GNB1: variants seen among roughly 807,000 people sequenced by gnomAD.
GNB1 encodes G protein subunit beta 1.
Under a neutral mutation model 42.9 loss-of-function variants are expected in GNB1, and 2 were observed. The observed-to-expected ratio is 0.05, with a 90% CI of 0.02 to 0.15. The LOEUF (loss-of-function observed/expected upper bound fraction) is 0.15. Among genes scored for constraint, GNB1 ranks in the 10% least tolerant of loss-of-function variants. The pLI, the probability that GNB1 is intolerant of heterozygous loss-of-function variation, is 1.00. For missense variants in GNB1, 193 were observed against 462.2 expected, an observed-to-expected ratio of 0.42 and a Z score of 5.34; for synonymous variants, 183 against 174.7, an observed-to-expected ratio of 1.05 and a Z score of -0.38.
intron 2 of GNB1, among the ~76,000 whole-genome samples, chr1:1,827,495 T>C (rs1241337138): frequency 6.6e-6 from 1 of 152,244 alleles, no homozygotes; most frequent in Non-Finnish European, 1.5e-5. Flanking sequence ...GAATTAGGTA[T>C]GGACAAGGTC....
At chr1:1,794,713 A>C (rs1646523940) in intron 7 of GNB1, among the ~76,000 whole-genome samples, 3 of 152,204 alleles carry the variant, frequency 2.0e-5, no homozygotes, top group Admixed American at 2.0e-4. Context: ...ATTTTTTGAG[A>C]CAGAGTCTCG....
At chr1:1,801,116 C>T (rs933817156) in intron 7 of GNB1, among the ~76,000 whole-genome samples, 6 of 152,226 alleles carry the variant, frequency 3.9e-5, no homozygotes, top group Non-Finnish European at 8.8e-5. Context: ...CTGCAACCTC[C>T]GCTTCAGTTC....
In GNB1 at chr1:1,787,806, C is replaced by T. The variant is rs1447246378; in HGVS notation, c.917-369G>A. Among the ~76,000 whole-genome samples the T allele has an allele frequency of 6.6e-6, 1 of 152,088 alleles. No homozygotes were observed. Among genetic ancestry groups the T allele is most frequent in the Non-Finnish European group, 1.5e-5 (1 of 68,014 alleles). ...CAGCACGTTGGAAGGCCGAGGCAGG[C>T]AGATCATGAGGTCAGGACTTTGAGA... On this transcript the variant is annotated intron_variant, in intron 10 of 11. Transcript: ENST00000378609. This position sits in a 1 kb window ranked among gnomAD's most constrained non-coding sequence, Gnocchi z 4.4.
chr1:1,802,333 G>A (rs1004883617), intron 7 of GNB1, among the ~76,000 whole-genome samples: 2 of 152,124 alleles, frequency 1.3e-5, no homozygotes, highest in African/African-American at 4.8e-5. Context: ...TACCAAGTGT[G>A]TCTTTAAGCA....
chr1:1,816,675 G>C, intron 4 of GNB1, among the ~76,000 whole-genome samples: 1 of 126,428 alleles, frequency 7.9e-6, no homozygotes, highest in African/African-American at 2.9e-5. Context: ...TTAAGATGGA[G>C]TCTCGCTCTG....
chr1:1,882,970 T>G (rs1409249443), intron 1 of GNB1, among the ~76,000 whole-genome samples: 1 of 149,250 alleles, frequency 6.7e-6, no homozygotes, highest in African/African-American at 2.5e-5. Flanking sequence ...TGAGGCATAG[T>G]TCAAGATTAT....
chr1:1,853,069 C>A (rs1463840594), intron 1 of GNB1, among the ~76,000 whole-genome samples: 1 of 152,110 alleles, frequency 6.6e-6, no homozygotes, highest in East Asian at 1.9e-4. Context: ...TCTCCTGCAG[C>A]ACAGACTCAA....
At chr1:1,890,044 C>A (rs1399267310) in intron 1 of GNB1, among the ~76,000 whole-genome samples, 2 of 152,106 alleles carry the variant, frequency 1.3e-5, no homozygotes, top group East Asian at 3.9e-4. Context: ...GCGGTGGGAG[C>A]GCCATCTTGG....
intron 1 of GNB1, among the ~76,000 whole-genome samples, chr1:1,847,669 C>G (rs1231817244): frequency 6.6e-6 from 1 of 152,172 alleles, no homozygotes; most frequent in Non-Finnish European, 1.5e-5. Flanking sequence ...AGGCCATGAG[C>G]CTGAAACAAT....
intron 1 of GNB1, among the ~76,000 whole-genome samples, chr1:1,882,126 T>C (rs1167493945): frequency 6.6e-6 from 1 of 152,118 alleles, no homozygotes; most frequent in Non-Finnish European, 1.5e-5. Flanking sequence ...TGCATTCTAC[T>C]ATGGCTCACA....
At chr1:1,877,558 A>G (rs1203367017) in intron 1 of GNB1, among the ~76,000 whole-genome samples, 3 of 151,996 alleles carry the variant, frequency 2.0e-5, no homozygotes, top group Non-Finnish European at 4.4e-5. Flanking sequence ...GGCTGGTCTC[A>G]AACTCCTGGC....
chr1:1,793,637 G>A lies in GNB1; in HGVS notation c.431-326C>T, dbSNP rs116787566. On this transcript the variant is annotated intron_variant, in intron 7 of 11. Transcript: ENST00000378609. Reference sequence around the variant, plus strand: ...ACCCATCAAAGGCTGGGGATCCCTCGTCTATTTACTCATTCAGGGCACGCT... The same window carrying A: ...ACCCATCAAAGGCTGGGGATCCCTCATCTATTTACTCATTCAGGGCACGCT... The A allele has an allele frequency of 7.0e-3, 1,318 of 188,858 alleles. 22 individuals are homozygous for A. Among genetic ancestry groups the A allele is most frequent in the African/African-American group, 0.029 (1,264 of 43,064 alleles). 11.7% of individuals were successfully genotyped at this position (188,858 alleles called of 1,614,324 possible). A position where few individuals can be genotyped will look rare whatever the true frequency, so the allele number is the denominator to read the frequency against.
At chr1:1,825,305 C>T in intron 3 of GNB1, 92 bp downstream of exon 3, 2 of 867,246 alleles carry the variant, frequency 2.3e-6, no homozygotes, top group Admixed American at 1.7e-5. Context: ...AAACATAGAA[C>T]AAGTCATCCT....
chr1:1,872,003 C>T (rs920212974), intron 1 of GNB1, among the ~76,000 whole-genome samples: 1 of 145,894 alleles, frequency 6.9e-6, no homozygotes. Context: ...AATCTTTTTT[C>T]TTTTTTTTTT....
chr1:1,889,020 A>G (rs982111232), intron 1 of GNB1, among the ~76,000 whole-genome samples: 3 of 152,184 alleles, frequency 2.0e-5, no homozygotes, highest in African/African-American at 7.2e-5. Context: ...ATACCTTCCC[A>G]AAGAATCCAG....
At chr1:1,863,030 G>T (rs1648719286) in intron 1 of GNB1, among the ~76,000 whole-genome samples, 1 of 152,168 alleles carries the variant, frequency 6.6e-6, no homozygotes, top group Non-Finnish European at 1.5e-5. Context: ...GCTAGACCCA[G>T]GCTGAATGTG....
intron 3 of GNB1, among the ~76,000 whole-genome samples, chr1:1,820,567 G>C (rs779452829): frequency 4.6e-5 from 7 of 152,042 alleles, no homozygotes; most frequent in Non-Finnish European, 7.4e-5. Flanking sequence ...AAGTCTTTTT[G>C]TCAATGAATT....
rs570106009 is a variant in GNB1, at chr1:1,859,002, T to C, written c.-95-19764A>G. Among the ~76,000 whole-genome samples, 5 of 152,094 alleles carry C rather than the reference T, an allele frequency of 3.3e-5. No individual in the cohort carries two copies. In the East Asian group the frequency reaches 9.7e-4, roughly 29 times the overall value. ...TATTTAAAAATAAAATACAGTTTCC[T>C]TCAATTTATGGGTATTTATTTTCTT... On this transcript the variant is annotated intron_variant, in intron 1 of 11. Transcript: ENST00000378609.
chr1:1,877,749 G>A (rs1649628922), intron 1 of GNB1, among the ~76,000 whole-genome samples: 1 of 152,182 alleles, frequency 6.6e-6, no homozygotes. Flanking sequence ...AGGATAGATG[G>A]TGGAGGCAAT....
Sources: gnomAD v4.1 joint callset for allele counts (sites outside exome capture counted in the v4.1 genomes callset) on GRCh38, gnomAD v4.1.1 for gene constraint, Gnocchi (gnomAD v3.1) non-coding constraint, MANE v1.5 for transcripts, NCBI Gene and HGNC (gene_info 2026-07-23, HGNC 2026-07-21) for gene names.